KIF21A: variants seen among roughly 807,000 people sequenced by gnomAD.
KIF21A encodes kinesin-like protein KIF21A.
A neutral mutation model predicts 202.9 loss-of-function variants in KIF21A; 114 were observed. That is an observed-to-expected ratio of 0.56 (90% confidence interval 0.48 to 0.66). The LOEUF is 0.66. KIF21A is among the 30% of genes least tolerant of loss of function. KIF21A has a pLI of 0.00. For missense variants in KIF21A, 1,677 were observed against 1,994.9 expected (o/e 0.84, Z 3.04); for synonymous variants, 667 against 670.8 (o/e 0.99, Z 0.09).
chr12:39,428,938 CAGAG>C (rs1241236437), intron 1 of KIF21A, among the ~76,000 whole-genome samples: 3 of 137,008 alleles, frequency 2.2e-5, no homozygotes, highest in African/African-American at 2.8e-5. Context: ...AGCCTGGTGA[CAGAG>C]AGAGACTCCG....
chr12:39,430,451 A>G (rs1157081962), intron 1 of KIF21A, among the ~76,000 whole-genome samples: 1 of 151,874 alleles, frequency 6.6e-6, no homozygotes, highest in African/African-American at 2.4e-5. Flanking sequence ...CTGTAATCCC[A>G]GCTATTCGGG....
intron 37 of KIF21A, among the ~76,000 whole-genome samples, chr12:39,296,983 T>C (rs1591995962): frequency 6.6e-6 from 1 of 152,238 alleles, no homozygotes; most frequent in South Asian, 2.1e-4. Flanking sequence ...ATTATAGTAA[T>C]TCAAGAGTTG....
At position 39,332,194 on chromosome 12, in the gene KIF21A, C is replaced by T. The variant is rs374897781; in HGVS notation, c.3051+20G>A. ...AAGTACTTTTCATTAAACCATTACGCTTTTTTAAAAATTACAAACCTTTGC... is the reference window on the plus strand; with the variant it reads ...AAGTACTTTTCATTAAACCATTACGTTTTTTTAAAAATTACAAACCTTTGC... On this transcript the variant is annotated intron_variant, in intron 21 of 37. Coordinates refer to ENST00000361418, the MANE Select transcript of KIF21A (RefSeq NM_001173464.2). The T allele has an allele frequency of 1.4e-5, 22 of 1,607,574 alleles. No homozygotes were observed. In the African/African-American group the frequency reaches 2.4e-4, roughly 18 times the overall value.
At chr12:39,301,709 T>G (rs1259523923) in intron 36 of KIF21A, 30 bp from the exon 37 acceptor site, 1 of 1,561,452 alleles carries the variant, frequency 6.4e-7, no homozygotes, top group African/African-American at 1.4e-5. Flanking sequence ...ATCAGCAGCT[T>G]AAGGAGAGCT....
intron 1 of KIF21A, among the ~76,000 whole-genome samples, chr12:39,378,815 A>G (rs1950425707): frequency 6.6e-6 from 1 of 152,224 alleles, no homozygotes; most frequent in Non-Finnish European, 1.5e-5. Flanking sequence ...TATTGTATAC[A>G]AAGGATAAAC....
At chr12:39,413,743 C>T (rs571690555) in intron 1 of KIF21A, among the ~76,000 whole-genome samples, 26 of 151,992 alleles carry the variant, frequency 1.7e-4, no homozygotes, top group African/African-American at 5.5e-4. Context: ...CACTGTACTC[C>T]GGCCAGGGTG....
At chr12:39,415,880 G>T (rs995040892) in intron 1 of KIF21A, among the ~76,000 whole-genome samples, 1 of 152,180 alleles carries the variant, frequency 6.6e-6, no homozygotes, top group Non-Finnish European at 1.5e-5. Context: ...TGCTTAGACA[G>T]CTCTTCCTCT....
intron 27 of KIF21A, 28 bp downstream of exon 27, chr12:39,322,639 AG>A (rs778022255): frequency 1.9e-6 from 3 of 1,552,992 alleles, no homozygotes; most frequent in Non-Finnish European, 2.7e-6. Context: ...CCAAAAGAAA[AG>A]AAGTTAGTGT....
Position 39,311,442 on chromosome 12 carries a change from A to G in KIF21A, c.4071T>C (p.Asp1357=), listed in dbSNP as rs761028766. The G allele has an allele frequency of 6.2e-7, 1 of 1,613,086 alleles. No homozygotes were observed. The highest frequency in any genetic ancestry group is 8.5e-7 in the Non-Finnish European group (1 of 1,179,160). Residue 1357 remains aspartate, a synonymous_variant, in exon 32 of 38, where the codon GAT becomes GAC. Transcript: ENST00000361418. ...CTTTTGATCCAGTGAAGAGGAGATC[A>G]TCAGTAGAATCCACACAGAGCACAG... The part of the protein sequence containing the change: ...TKAVLCVDST[D]DLLFTGSKDR...
intron 1 of KIF21A, among the ~76,000 whole-genome samples, chr12:39,370,964 T>G (rs1949912783): frequency 6.6e-6 from 1 of 152,208 alleles, no homozygotes; most frequent in South Asian, 2.1e-4. Context: ...TTCAAGTCCC[T>G]GACATAAAAT....
At chr12:39,366,573 C>A in intron 5 of KIF21A, 56 bp from the exon 6 acceptor site, 5 of 1,290,778 alleles carry the variant, frequency 3.9e-6, no homozygotes, top group Non-Finnish European at 5.5e-6. Flanking sequence ...TAAATATCCT[C>A]CTAACCTACC....
rs575159464 is a variant in KIF21A at position 39,337,600 on chromosome 12, A to C, written c.2311-397T>G. The C allele has an allele frequency of 9.0e-5, 19 of 212,266 alleles. No individual in the cohort carries two copies. The South Asian group carries it at 1.3e-3, about 14-fold the overall frequency. 13.1% of individuals were successfully genotyped at this position (212,266 alleles called of 1,614,324 possible). ...GTGAGAATTCAACCAGTTAACACCC[A>C]CACAGCGTTTTAACAGTACCTGGCA... is the stretch of plus-strand genomic sequence containing the variant. On this transcript the variant is annotated intron_variant, in intron 16 of 37. Transcript: ENST00000361418.
chr12:39,295,225 T>C (rs1050846461), intron 37 of KIF21A, among the ~76,000 whole-genome samples: 1 of 152,222 alleles, frequency 6.6e-6, no homozygotes, highest in Non-Finnish European at 1.5e-5. Context: ...AAATTTTTTA[T>C]AAAAAGGGAA....
intron 33 of KIF21A, 93 bp from the exon 34 acceptor site, chr12:39,307,822 A>G (rs1943624290): frequency 1.0e-6 from 1 of 995,308 alleles, no homozygotes; most frequent in Admixed American, 1.9e-5. Flanking sequence ...GCTGTAGGCA[A>G]CAACAAGAAC....
chr12:39,330,674 G>T (rs985490425), intron 23 of KIF21A, 72 bp downstream of exon 23: 9 of 1,286,126 alleles, frequency 7.0e-6, no homozygotes, highest in Non-Finnish European at 1.0e-5. Flanking sequence ...AGGGGAAAGG[G>T]ATATACTATA....
chr12:39,366,272 T>C (rs1949597107), intron 6 of KIF21A, 78 bp downstream of exon 6: 19 of 1,286,390 alleles, frequency 1.5e-5, no homozygotes, highest in Non-Finnish European at 2.0e-5. Flanking sequence ...GATTTCCATA[T>C]GGATATTATA....
At chr12:39,313,833 G>GT (rs1944259928) in intron 31 of KIF21A, among the ~76,000 whole-genome samples, 2 of 151,876 alleles carry the variant, frequency 1.3e-5, no homozygotes. Context: ...ATGAGGTGTA[G>GT]TTTTAGATGT....
chr12:39,388,752 A>G (rs1196276223), intron 1 of KIF21A, among the ~76,000 whole-genome samples: 1 of 152,238 alleles, frequency 6.6e-6, no homozygotes, highest in East Asian at 1.9e-4. Context: ...GAATGGCTTT[A>G]AAATCCTATT....
At position 39,370,028 on chromosome 12, in the gene KIF21A, A is replaced by G; in HGVS notation, c.267+11T>C. 1 of 1,607,698 alleles carries G rather than the reference A, an allele frequency of 6.2e-7. No individual in the cohort carries two copies. Among genetic ancestry groups the G allele is most frequent in the Non-Finnish European group, 8.5e-7 (1 of 1,174,330 alleles). On this transcript the variant is annotated intron_variant, in intron 2 of 37. Coordinates refer to ENST00000361418, the MANE Select transcript of KIF21A (RefSeq NM_001173464.2). ...AAGTTTCAACTCCTATGAAAATAAT[A>G]TGGCACTTACTTGTCCATAAGCAAA... is the stretch of plus-strand genomic sequence containing the variant.
Sources: gnomAD v4.1 joint callset for allele counts (sites outside exome capture counted in the v4.1 genomes callset) on GRCh38, gnomAD v4.1.1 for gene constraint, MANE v1.5 for transcripts, NCBI Gene and HGNC (gene_info 2026-07-23, HGNC 2026-07-21) for gene names.